Variants in MAN1A1 observed in about 807,000 individuals in gnomAD.
MAN1A1 encodes the protein mannosidase alpha class 1A member 1, also known as mannosyl-oligosaccharide 1,2-alpha-mannosidase IA.
In MAN1A1, 29 loss-of-function variants were observed where a neutral mutation model predicts 70.8. The ratio of observed to expected loss-of-function variants is 0.41; its 90% CI spans 0.31 to 0.56. The LOEUF is 0.56. Ranked by LOEUF, MAN1A1 falls within the 20% of genes least tolerant of loss-of-function variation. MAN1A1 has a pLI of 0.29. For missense variants in MAN1A1, 747 were observed against 841.3 expected (o/e 0.89, Z 1.39); for synonymous variants, 349 against 330.1 (o/e 1.06, Z -0.62).
chr6:119,314,057 GAACT>G (rs1772785547), intron 2 of MAN1A1, among the ~76,000 whole-genome samples: 1 of 152,094 alleles, frequency 6.6e-6, no homozygotes, highest in South Asian at 2.1e-4. Context: ...CACGCGTCTA[GAACT>G]AACCACTCTG....
intron 11 of MAN1A1, among the ~76,000 whole-genome samples, 172 bp downstream of exon 11, chr6:119,188,233 T>C (rs1372264765): frequency 6.6e-6 from 1 of 152,230 alleles, no homozygotes; most frequent in Non-Finnish European, 1.5e-5. Flanking sequence ...AAAGCAAAGC[T>C]GAAGCCAGGG....
chr6:119,272,481 G>A (rs1775951003), intron 5 of MAN1A1, among the ~76,000 whole-genome samples: 1 of 152,040 alleles, frequency 6.6e-6, no homozygotes, highest in Non-Finnish European at 1.5e-5. Context: ...ATTAGATCCT[G>A]TAGGAATAGA....
intron 5 of MAN1A1, among the ~76,000 whole-genome samples, chr6:119,263,925 A>C (rs138040897): frequency 6.6e-6 from 1 of 152,324 alleles, no homozygotes; most frequent in East Asian, 1.9e-4. Flanking sequence ...CTTCAAGAAG[A>C]AGCTTTACTA....
chr6:119,248,211 T>G, intron 6 of MAN1A1, 49 bp downstream of exon 6: 2 of 1,250,410 alleles, frequency 1.6e-6, no homozygotes, highest in Non-Finnish European at 2.3e-6. Flanking sequence ...TAGGCAACAA[T>G]CTGGAATATT....
chr6:119,194,615 T>C (rs1393509069), intron 8 of MAN1A1, among the ~76,000 whole-genome samples: 2 of 152,184 alleles, frequency 1.3e-5, no homozygotes. Flanking sequence ...TGAACCACTG[T>C]GCTCAGCCTA....
chr6:119,282,575 TTC>T (rs1243805546), intron 5 of MAN1A1, among the ~76,000 whole-genome samples: 2 of 152,196 alleles, frequency 1.3e-5, no homozygotes, highest in African/African-American at 2.4e-5. Context: ...AAAATTACAA[TTC>T]TCTGTTTTAC....
intron 10 of MAN1A1, 65 bp from the exon 11 acceptor site, chr6:119,188,642 A>G (rs903116412): frequency 7.1e-7 from 1 of 1,399,376 alleles, no homozygotes; most frequent in Non-Finnish European, 9.9e-7. Flanking sequence ...TCAATAACTT[A>G]AATGAAACTA....
intron 6 of MAN1A1, among the ~76,000 whole-genome samples, chr6:119,207,244 A>AC (rs951073173): frequency 5.3e-4 from 80 of 151,156 alleles, no homozygotes; most frequent in Non-Finnish European, 7.4e-4. Flanking sequence ...TTCTGTCACC[A>AC]CCCCCCCAAC....
intron 6 of MAN1A1, among the ~76,000 whole-genome samples, chr6:119,242,130 G>GACACACACACACACAC (rs1465970489): frequency 4.5e-4 from 16 of 35,766 alleles, no homozygotes; most frequent in African/African-American, 7.4e-4. Flanking sequence ...CAGACAGACA[G>GACACACACACACACAC]ACAGACACAC....
chr6:119,262,218 A>C (rs1015955143), intron 5 of MAN1A1, among the ~76,000 whole-genome samples: 1 of 152,182 alleles, frequency 6.6e-6, no homozygotes, highest in Non-Finnish European at 1.5e-5. Flanking sequence ...TGAACATTTC[A>C]TTTGCTATAA....
intron 2 of MAN1A1, among the ~76,000 whole-genome samples, chr6:119,323,090 T>C (rs937818542): frequency 6.6e-6 from 1 of 152,240 alleles, no homozygotes; most frequent in Non-Finnish European, 1.5e-5. Context: ...TTAGAGAGTG[T>C]CAGAAAAACA....
At chr6:119,197,702 GAAGAATAAAAAAAT>G (rs1773609202) in intron 8 of MAN1A1, among the ~76,000 whole-genome samples, 1 of 152,050 alleles carries the variant, frequency 6.6e-6, no homozygotes, top group African/African-American at 2.4e-5. Flanking sequence ...GGCCTCGATT[GAAGAATAAAAAAAT>G]AAGTGTGTTT....
At chr6:119,285,083 C>T (rs955053156) in intron 5 of MAN1A1, among the ~76,000 whole-genome samples, 3 of 150,812 alleles carry the variant, frequency 2.0e-5, no homozygotes, top group African/African-American at 7.3e-5. Context: ...GCAGGTGTCA[C>T]ACATGGCCAG....
At chr6:119,231,673 A>G (rs1774680965) in intron 6 of MAN1A1, among the ~76,000 whole-genome samples, 1 of 152,124 alleles carries the variant, frequency 6.6e-6, no homozygotes, top group African/African-American at 2.4e-5. Context: ...AGGAAGGATG[A>G]AGCCCCTGGA....
At chr6:119,287,736 G>C (rs1326151720) in intron 5 of MAN1A1, among the ~76,000 whole-genome samples, 2 of 151,848 alleles carry the variant, frequency 1.3e-5, no homozygotes, top group African/African-American at 4.8e-5. Context: ...GAAACTAGTG[G>C]TCTTTAGAAC....
intron 4 of MAN1A1, among the ~76,000 whole-genome samples, chr6:119,299,545 T>A (rs779170665): frequency 6.6e-6 from 1 of 152,044 alleles, no homozygotes; most frequent in Non-Finnish European, 1.5e-5. Flanking sequence ...CTAAAATATA[T>A]ATGCAAAAGT....
chr6:119,211,825 A>T (rs1021300167), intron 6 of MAN1A1, among the ~76,000 whole-genome samples: 3 of 150,894 alleles, frequency 2.0e-5, no homozygotes, highest in Non-Finnish European at 4.4e-5. Flanking sequence ...TTTTTTTTTT[A>T]AATGAAATAA....
At chr6:119,181,385 A>C (rs1037952633) in intron 11 of MAN1A1, among the ~76,000 whole-genome samples, 2 of 152,168 alleles carry the variant, frequency 1.3e-5, no homozygotes, top group Non-Finnish European at 2.9e-5. Context: ...TATTGGTAAC[A>C]GAGCTAAAAG....
At chr6:119,275,629 A>C (rs1439468100) in intron 5 of MAN1A1, among the ~76,000 whole-genome samples, 2 of 149,218 alleles carry the variant, frequency 1.3e-5, no homozygotes, top group Admixed American at 1.3e-4. Context: ...TTTAGTAGAG[A>C]CGGGGTTTCA....
Sources: gnomAD v4.1 joint callset for allele counts (sites outside exome capture counted in the v4.1 genomes callset) on GRCh38, gnomAD v4.1.1 for gene constraint, MANE v1.5 for transcripts, NCBI Gene and HGNC (gene_info 2026-07-23, HGNC 2026-07-21) for gene names.